The following KAZN variants were observed in gnomAD, a reference collection of about 807,000 sequenced individuals.
KAZN encodes the protein kazrin, periplakin interacting protein, also known as kazrin.
A neutral mutation model predicts 87.4 loss-of-function variants in KAZN; 40 were observed. The observed-to-expected ratio is 0.46, with a 90% CI of 0.36 to 0.60. The LOEUF (loss-of-function observed/expected upper bound fraction) is 0.60. KAZN is among the 20% of genes least tolerant of loss of function. The pLI is 0.00. For synonymous variants in KAZN, 466 were observed against 458.3 expected, an observed-to-expected ratio of 1.02 and a Z score of -0.22; for missense variants, 898 against 1,073.9, an observed-to-expected ratio of 0.84 and a Z score of 2.29.
chr1:14,881,665 G>A (rs1437534991), intron 1 of KAZN, among the ~76,000 whole-genome samples: 1 of 152,152 alleles, frequency 6.6e-6, no homozygotes, highest in Non-Finnish European at 1.5e-5. Flanking sequence ...CCACATGGTG[G>A]GTTCAGGTAC....
intron 2 of KAZN, among the ~76,000 whole-genome samples, chr1:14,333,450 C>A (rs1656992737): frequency 6.6e-6 from 1 of 152,114 alleles, no homozygotes; most frequent in African/African-American, 2.4e-5. Context: ...CAAGGTCCTT[C>A]AGGGCCCTGG....
chr1:13,981,215 G>A (rs1332574070), intron 1 of KAZN, among the ~76,000 whole-genome samples: 1 of 143,730 alleles, frequency 7.0e-6, no homozygotes, highest in African/African-American at 2.5e-5. Context: ...AAGACTGTAT[G>A]GAGGTGATCA....
chr1:15,071,814 T>C (rs1432732375), intron 8 of KAZN, among the ~76,000 whole-genome samples: 1 of 152,192 alleles, frequency 6.6e-6, no homozygotes. Context: ...ACAGAAACCA[T>C]GCTTCTGGAT....
intron 2 of KAZN, among the ~76,000 whole-genome samples, chr1:14,477,422 T>TTCCC (rs1668804096): frequency 7.3e-6 from 1 of 136,684 alleles, no homozygotes; most frequent in African/African-American, 2.7e-5. Flanking sequence ...AGGTAATTCA[T>TTCCC]TCCCTCTCTC....
intron 2 of KAZN, among the ~76,000 whole-genome samples, chr1:14,197,762 A>G (rs138172954): frequency 4.4e-4 from 67 of 152,356 alleles, no homozygotes; most frequent in African/African-American, 1.5e-3. Flanking sequence ...GACTAGAAGA[A>G]TGAACAAATA....
chr1:14,763,307 GA>G (rs1553127088), intron 1 of KAZN, among the ~76,000 whole-genome samples: 1 of 152,218 alleles, frequency 6.6e-6, no homozygotes, highest in Non-Finnish European at 1.5e-5. Flanking sequence ...TGCTTGCAAG[GA>G]ATTCCTCTTT....
chr1:14,905,175 C>T (rs1484549208), intron 1 of KAZN, among the ~76,000 whole-genome samples: 2 of 152,210 alleles, frequency 1.3e-5, no homozygotes, highest in Admixed American at 1.3e-4. Flanking sequence ...TCTCCTGTCT[C>T]AGCCTCCTGA....
intron 1 of KAZN, among the ~76,000 whole-genome samples, chr1:14,162,047 G>A (rs780076146): frequency 1.3e-5 from 2 of 152,182 alleles, no homozygotes; most frequent in Admixed American, 1.3e-4. Context: ...AACACCTCAG[G>A]CATGGGTCAA....
intron 1 of KAZN, among the ~76,000 whole-genome samples, chr1:14,053,763 C>T (rs1642435785): frequency 6.6e-6 from 1 of 152,220 alleles, no homozygotes; most frequent in African/African-American, 2.4e-5. Flanking sequence ...CACTGACCTC[C>T]TTCACAGTCA....
At chr1:14,049,495 C>T (rs1305496562) in intron 1 of KAZN, among the ~76,000 whole-genome samples, 1 of 152,078 alleles carries the variant, frequency 6.6e-6, no homozygotes, top group Non-Finnish European at 1.5e-5. Flanking sequence ...AAGAACCTTC[C>T]AATGAGTACC....
At chr1:14,889,400 C>T (rs1053459770) in intron 1 of KAZN, among the ~76,000 whole-genome samples, 12 of 152,136 alleles carry the variant, frequency 7.9e-5, no homozygotes, top group African/African-American at 2.7e-4. Context: ...AAAATGGATG[C>T]ACTATAGCCA....
At chr1:14,574,350 C>A (rs184064602) in intron 2 of KAZN, among the ~76,000 whole-genome samples, 1 of 152,182 alleles carries the variant, frequency 6.6e-6, no homozygotes, top group African/African-American at 2.4e-5. Flanking sequence ...TATGTCCCCA[C>A]GCAAATCTCA....
At chr1:14,081,444 A>G (rs1371504881) in intron 1 of KAZN, among the ~76,000 whole-genome samples, 1 of 152,066 alleles carries the variant, frequency 6.6e-6, no homozygotes, top group Non-Finnish European at 1.5e-5. Context: ...AATCACGAGT[A>G]TGGCCAATGG....
intron 1 of KAZN, among the ~76,000 whole-genome samples, chr1:14,749,790 C>T (rs1055601074): frequency 6.6e-6 from 1 of 152,110 alleles, no homozygotes; most frequent in Admixed American, 6.6e-5. Flanking sequence ...TCTCCTTGGC[C>T]CATCCTAAGG....
chr1:14,895,487 T>A (rs369533488), intron 1 of KAZN, among the ~76,000 whole-genome samples: 11 of 152,194 alleles, frequency 7.2e-5, no homozygotes, highest in African/African-American at 2.4e-4. Flanking sequence ...CCACAGCCCA[T>A]CCCTCAGCAG....
intron 1 of KAZN, among the ~76,000 whole-genome samples, chr1:14,928,372 CTGGG>C (rs1659405865): frequency 6.6e-6 from 1 of 151,748 alleles, no homozygotes; most frequent in Non-Finnish European, 1.5e-5. Flanking sequence ...TGTCATGAAC[CTGGG>C]AGGCGGAGCT....
chr1:14,617,618 G>A lies in KAZN; in HGVS notation c.226+18395G>A, dbSNP rs192273975. ...AAGTGAGTAAATATACGTGAATCCC[G>A]GTGATAAGTGCATGGGACATACATG... On this transcript the variant is annotated intron_variant, in intron 1 of 14. Transcript: ENST00000376030. Among the ~76,000 whole-genome samples, 156 of 152,280 alleles carry A rather than the reference G, an allele frequency of 1.0e-3. 2 individuals carry two copies. Among genetic ancestry groups the A allele is most frequent in the South Asian group, 4.1e-4 (2 of 4,822 alleles).
At chr1:13,954,825 T>G (rs1641482943) in intron 1 of KAZN, among the ~76,000 whole-genome samples, 1 of 152,190 alleles carries the variant, frequency 6.6e-6, no homozygotes, top group African/African-American at 2.4e-5. Flanking sequence ...GACTTTTTTC[T>G]TTTTTTACTT....
At chr1:14,974,967 G>A (rs1313712472) in intron 2 of KAZN, among the ~76,000 whole-genome samples, 2 of 152,250 alleles carry the variant, frequency 1.3e-5, no homozygotes, top group Non-Finnish European at 2.9e-5. Context: ...TTAGAAGGAA[G>A]TAAGGTGGAT....
Sources: allele counts gnomAD v4.1 joint callset (sites outside exome capture counted in the v4.1 genomes callset), GRCh38; gene constraint gnomAD v4.1.1; transcripts MANE v1.5; gene names NCBI Gene and HGNC (gene_info 2026-07-23, HGNC 2026-07-21).